The following FAM167A variants were observed in gnomAD, a reference collection of about 807,000 sequenced individuals.
FAM167A encodes the protein family with sequence similarity 167 member A.
Under a neutral mutation model 14.9 loss-of-function variants are expected in FAM167A, and 23 were observed. That is an observed-to-expected ratio of 1.55 (90% CI 1.11 to 2.19). FAM167A has a LOEUF of 2.19. Among genes scored for constraint, FAM167A ranks in the 30% most tolerant of loss-of-function variants. FAM167A has a pLI of 0.00. For missense variants in FAM167A, 401 were observed against 281.5 expected (o/e 1.42, Z -3.04); for synonymous variants, 174 against 117.7 (o/e 1.48, Z -3.10).
chr8:11,466,613 G>T lies in FAM167A; in HGVS notation c.-398+13C>A, dbSNP rs1404286649. On this transcript the variant is annotated intron_variant, in intron 1 of 2. Transcript: ENST00000284486. ...AGTCCCTGGGAAAGTCCCCGCCGCC[G>T]GCGCGAACCCACCTTCCGGGAGCCC... is the stretch of plus-strand genomic sequence containing the variant. 1.3e-5 allele frequency: 2 copies of T among 152,350 alleles called. No homozygotes were observed. The highest frequency in any genetic ancestry group is 1.5e-5 in the Non-Finnish European group (1 of 68,190). The allele number at this position is 152,350 out of a possible 1,614,324, so 9.4% of individuals were successfully genotyped here. A position where few individuals can be genotyped will look rare whatever the true frequency, so the allele number is the denominator to read the frequency against.
chr8:11,458,924 G>C (rs1158844060), intron 1 of FAM167A, among the ~76,000 whole-genome samples: 3 of 152,252 alleles, frequency 2.0e-5, no homozygotes, highest in Non-Finnish European at 4.4e-5. Flanking sequence ...GGCTGGAACG[G>C]CACTGCCCAC....
At chr8:11,459,077 A>G (rs1292142805) in intron 1 of FAM167A, among the ~76,000 whole-genome samples, 1 of 152,254 alleles carries the variant, frequency 6.6e-6, no homozygotes, top group Non-Finnish European at 1.5e-5. Flanking sequence ...TTTTCTCTCT[A>G]TCACCCATTT....
In FAM167A at chr8:11,422,091, G is replaced by C. The variant is rs987116790; in HGVS notation, c.*2282C>G. 2 of 336,398 alleles carry C rather than the reference G, an allele frequency of 5.9e-6. No homozygotes were observed. Among genetic ancestry groups the C allele is most frequent in the Non-Finnish European group, 1.1e-5 (2 of 187,708 alleles). 20.8% of individuals were successfully genotyped at this position (336,398 alleles called of 1,614,324 possible). On this transcript the variant is annotated 3_prime_UTR_variant, in exon 3 of 3. Coordinates refer to ENST00000284486, the MANE Select transcript of FAM167A (RefSeq NM_053279.3). ...AGACATTTAACTTATCCCCAAACAT[G>C]TGTCTTGATCTTAGTTTCCACCCAG...
chr8:11,435,296 C>G (rs1186253024), intron 2 of FAM167A, among the ~76,000 whole-genome samples: 1 of 152,192 alleles, frequency 6.6e-6, no homozygotes, highest in Non-Finnish European at 1.5e-5. Context: ...TGGGCGCCTG[C>G]TACCACTGCC....
chr8:11,461,850 C>T (rs959195333), intron 1 of FAM167A, among the ~76,000 whole-genome samples: 2 of 152,234 alleles, frequency 1.3e-5, no homozygotes, highest in Admixed American at 6.5e-5. Context: ...TAAAAGGCTT[C>T]GTAAGGCCTT....
At chr8:11,434,874 G>A (rs1805891748) in intron 2 of FAM167A, 1 of 371,664 alleles carries the variant, frequency 2.7e-6, no homozygotes, top group East Asian at 7.3e-5. Context: ...GTACACCCAA[G>A]GAAGACATTC....
At chr8:11,463,517 G>A (rs987646206) in intron 1 of FAM167A, among the ~76,000 whole-genome samples, 118 of 152,336 alleles carry the variant, frequency 7.7e-4, no homozygotes, top group African/African-American at 2.5e-3. Context: ...AGGAAACACT[G>A]CCCAGCCTTC....
intron 1 of FAM167A, among the ~76,000 whole-genome samples, chr8:11,459,039 A>G (rs556832343): frequency 6.6e-6 from 1 of 152,262 alleles, no homozygotes; most frequent in African/African-American, 2.4e-5. Context: ...ATACTTTCTG[A>G]TAATAAAATA....
chr8:11,461,055 C>A (rs1196490663), intron 1 of FAM167A, among the ~76,000 whole-genome samples: 1 of 152,182 alleles, frequency 6.6e-6, no homozygotes, highest in Non-Finnish European at 1.5e-5. Context: ...AGAAAATTGC[C>A]AAGAAATACT....
chr8:11,448,364 C>T (rs1211215363), intron 1 of FAM167A, among the ~76,000 whole-genome samples: 6 of 152,206 alleles, frequency 3.9e-5, no homozygotes, highest in Non-Finnish European at 8.8e-5. Context: ...AATGTGAGCT[C>T]TCAGCACACT....
chr8:11,424,768 C>G (rs960504292), intron 2 of FAM167A, 132 bp from the exon 3 acceptor site: 2 of 1,330,534 alleles, frequency 1.5e-6, no homozygotes, highest in East Asian at 2.5e-5. Context: ...TAGCACTTTC[C>G]CTGCTCAGGG....
At chr8:11,428,100 A>C (rs10089185) in intron 2 of FAM167A, among the ~76,000 whole-genome samples, 13,769 of 147,866 alleles carry the variant, frequency 0.093, 664 homozygotes, top group African/African-American at 0.13. Flanking sequence ...TCTTTTTGAA[A>C]AACTAGGAAC....
chr8:11,432,261 G>T (rs937580737), intron 2 of FAM167A, among the ~76,000 whole-genome samples: 1 of 152,144 alleles, frequency 6.6e-6, no homozygotes, highest in Admixed American at 6.5e-5. Flanking sequence ...AAAAGGACAT[G>T]TACTATCATC....
rs147645067 is a variant in FAM167A, at chr8:11,453,723, C to T, written c.-397-8915G>A. Among the ~76,000 whole-genome samples the T allele has an allele frequency of 7.0e-3, 1,065 of 152,258 alleles. 8 individuals are homozygous for T. Among genetic ancestry groups the T allele is most frequent in the Non-Finnish European group, 9.7e-3 (662 of 68,010 alleles). On this transcript the variant is annotated intron_variant, in intron 1 of 2. Transcript: ENST00000284486. ...GTCCTCTGGGAATCAAGTTGCCCCCCGAGATAGCCAGCTCTGTCTTGGTTC... is the reference window on the plus strand; with the variant it reads ...GTCCTCTGGGAATCAAGTTGCCCCCTGAGATAGCCAGCTCTGTCTTGGTTC...
chr8:11,433,127 C>G (rs964780425), intron 2 of FAM167A, among the ~76,000 whole-genome samples: 1 of 151,934 alleles, frequency 6.6e-6, no homozygotes, highest in Non-Finnish European at 1.5e-5. Context: ...TTGGGTGCAG[C>G]AAACCACCAT....
At position 11,444,735 on chromosome 8, in the gene FAM167A, G is replaced by T; in HGVS notation, c.-324C>A. On this transcript the variant is annotated 5_prime_UTR_variant, in exon 2 of 3. Coordinates refer to ENST00000284486, the MANE Select transcript of FAM167A (RefSeq NM_053279.3). ...GTGCCAAGGTCTATCTGTCCTGAAC[G>T]CACTCGAAGACCAGACTGGCAGGAA... 9.2e-7 allele frequency: 1 copy of T among 1,081,504 alleles called. No homozygotes were observed. Among genetic ancestry groups the T allele is most frequent in the Non-Finnish European group, 1.1e-6 (1 of 891,730 alleles). The allele number at this position is 1,081,504 out of a possible 1,614,324, so 67.0% of individuals were successfully genotyped here. A position where few individuals can be genotyped will look rare whatever the true frequency, so the allele number is the denominator to read the frequency against.
At position 11,424,418 on chromosome 8, in the gene FAM167A, G is replaced by A. The variant is rs141292162; in HGVS notation, c.600C>T (p.Gly200=). The change falls in exon 3 of 3, where the codon GGC becomes GGT. Residue 200 remains glycine, a synonymous_variant. Coordinates refer to ENST00000284486, the MANE Select transcript of FAM167A (RefSeq NM_053279.3). ...GAGAGTTGATGTTCATCTTGGTCAC[G>A]CCAATAAGCTTGAGTGGTGTGGAGA... ...FSLSTPLKLI[G]VTKMNINSRR... is the part of the protein sequence containing the mutation. 2,999 of 1,614,012 alleles carry A rather than the reference G, an allele frequency of 1.9e-3. 6 individuals carry two copies. The highest frequency in any genetic ancestry group is 2.1e-3 in the Non-Finnish European group (2,491 of 1,179,990).
intron 2 of FAM167A, among the ~76,000 whole-genome samples, chr8:11,438,884 G>A (rs867465302): frequency 6.6e-6 from 1 of 152,178 alleles, no homozygotes; most frequent in African/African-American, 2.4e-5. Flanking sequence ...TGATGGCTCC[G>A]AGCAACTTGC....
At chr8:11,456,427 T>TG (rs1563387490) in intron 1 of FAM167A, among the ~76,000 whole-genome samples, 5 of 64,572 alleles carry the variant, frequency 7.7e-5, no homozygotes, top group East Asian at 4.7e-4. Context: ...TTGCTGGGTG[T>TG]ATGAGTGTGT....
Sources: allele counts gnomAD v4.1 joint callset (sites outside exome capture counted in the v4.1 genomes callset), GRCh38; gene constraint gnomAD v4.1.1; transcripts MANE v1.5; gene names NCBI Gene and HGNC (gene_info 2026-07-23, HGNC 2026-07-21).